Variants in MEGF10 observed in about 807,000 individuals in gnomAD.
MEGF10 encodes multiple epidermal growth factor-like domains protein 10.
MEGF10 carries 86 observed loss-of-function variants against 147.5 expected under a neutral mutation model. The ratio of observed to expected loss-of-function variants is 0.58; its 90% CI spans 0.49 to 0.70. The LOEUF is 0.70. MEGF10 is among the 30% of genes least tolerant of loss of function. MEGF10 has a pLI of 0.00. For missense variants in MEGF10, 1,329 were observed against 1,487.3 expected (o/e 0.89, Z 1.75); for synonymous variants, 478 against 525.5 (o/e 0.91, Z 1.24).
the MEGF10 span, among the ~76,000 whole-genome samples, chr5:127,255,263 A>G: frequency 6.6e-6 from 1 of 152,196 alleles, no homozygotes; most frequent in East Asian, 1.9e-4. Context: ...TATAGGGGCA[A>G]TTGAGGAAGT....
rs185480820 is a variant in MEGF10 at position 127,455,393 on chromosome 5, C to T, written c.3026-8C>T. 1.2e-3 allele frequency: 1,930 copies of T among 1,611,820 alleles called. 12 individuals are homozygous for T. The Middle Eastern group carries it at 0.014, about 11-fold the overall frequency. On this transcript the variant is annotated splice_region_variant and splice_polypyrimidine_tract_variant and intron_variant, in intron 23 of 24. Transcript: ENST00000503335. The stretch of plus-strand genomic sequence containing the variant: ...GCATTAGCTTTCTCTTCTCATTTCT[C>T]TTCACAGACCTGGGAAAGAATTCTG...
chr5:127,316,289 G>T (rs189512476), intron 1 of MEGF10, among the ~76,000 whole-genome samples: 7,240 of 152,166 alleles, frequency 0.048, 244 homozygotes, highest in African/African-American at 0.081. Context: ...TACCATGCCT[G>T]CAAGAATCAT....
intron 13 of MEGF10, among the ~76,000 whole-genome samples, chr5:127,426,454 T>C (rs747362048): frequency 2.0e-5 from 3 of 152,200 alleles, no homozygotes; most frequent in Non-Finnish European, 4.4e-5. Context: ...TTTTAGCCAA[T>C]ACACTATTTT....
the MEGF10 span, among the ~76,000 whole-genome samples, chr5:127,243,330 T>C: frequency 6.6e-6 from 1 of 152,186 alleles, no homozygotes; most frequent in Non-Finnish European, 1.5e-5. Context: ...TCAGGACTAT[T>C]AAAGATGGTT....
At position 127,459,501 on chromosome 5, in the gene MEGF10, T is replaced by A. The variant is rs1766487797; in HGVS notation, c.*2183T>A. On this transcript the variant is annotated 3_prime_UTR_variant, in exon 25 of 25. Transcript: ENST00000503335. ...TAAGACATTTTCTCCCTTTTAAAGATCATCTCTTCAGAGCTGCATGGTAAA... is the reference window on the plus strand; with the variant it reads ...TAAGACATTTTCTCCCTTTTAAAGAACATCTCTTCAGAGCTGCATGGTAAA... 1 of 152,220 alleles carries A rather than the reference T, an allele frequency of 6.6e-6. No individual in the cohort carries two copies. Among genetic ancestry groups the A allele is most frequent in the Non-Finnish European group, 1.5e-5 (1 of 68,036 alleles). 9.4% of individuals were successfully genotyped at this position (152,220 alleles called of 1,614,324 possible).
At chr5:127,441,801 C>T (rs1301943917) in intron 18 of MEGF10, among the ~76,000 whole-genome samples, 1 of 152,096 alleles carries the variant, frequency 6.6e-6, no homozygotes, top group Non-Finnish European at 1.5e-5. Context: ...CAATAAAGCA[C>T]CCCTCCCCAC....
At chr5:127,232,509 A>C in the MEGF10 span, among the ~76,000 whole-genome samples, 1 of 152,198 alleles carries the variant, frequency 6.6e-6, no homozygotes, top group African/African-American at 2.4e-5. Flanking sequence ...GGTCAATGGC[A>C]TATGGTGTTA....
At chr5:127,440,717 A>C (rs1554101791) in intron 17 of MEGF10, 22 bp from the exon 18 acceptor site, 15 of 1,612,492 alleles carry the variant, frequency 9.3e-6, no homozygotes, top group Admixed American at 3.3e-5. Flanking sequence ...CTTGACTCCT[A>C]CTGTCCTCCC....
At chr5:127,272,389 G>C in the MEGF10 span, among the ~76,000 whole-genome samples, 2 of 152,166 alleles carry the variant, frequency 1.3e-5, no homozygotes, top group Middle Eastern at 3.4e-3. Context: ...CATTTTGCTT[G>C]CAATTTCCTT....
intron 14 of MEGF10, among the ~76,000 whole-genome samples, chr5:127,433,770 A>T (rs1389668566): frequency 6.6e-6 from 1 of 152,234 alleles, no homozygotes; most frequent in Non-Finnish European, 1.5e-5. Flanking sequence ...TGGCACAACC[A>T]TCAGGATATA....
chr5:127,435,561 A>G, intron 16 of MEGF10, 72 bp downstream of exon 16: 2 of 1,417,818 alleles, frequency 1.4e-6, no homozygotes, highest in South Asian at 2.8e-5. Context: ...GGATTGAAGT[A>G]TGAGTGTTTT....
At chr5:127,273,033 C>T in the MEGF10 span, among the ~76,000 whole-genome samples, 7 of 152,194 alleles carry the variant, frequency 4.6e-5, no homozygotes, top group Non-Finnish European at 8.8e-5. Context: ...GGGGTATGTA[C>T]AGACCTCCCT....
intron 1 of MEGF10, among the ~76,000 whole-genome samples, chr5:127,306,781 A>G (rs1269715277): frequency 1.3e-5 from 2 of 152,218 alleles, no homozygotes; most frequent in African/African-American, 4.8e-5. Flanking sequence ...AAGGAGAGAC[A>G]TGCTTTTAGG....
intron 1 of MEGF10, among the ~76,000 whole-genome samples, chr5:127,313,211 G>T (rs2254278): frequency 1.3e-5 from 2 of 152,132 alleles, no homozygotes; most frequent in Non-Finnish European, 2.9e-5. Context: ...ATGGGATCGT[G>T]TAGATTTGGA....
At chr5:127,343,172 C>T (rs532209868) in intron 4 of MEGF10, among the ~76,000 whole-genome samples, 1 of 152,236 alleles carries the variant, frequency 6.6e-6, no homozygotes, top group East Asian at 1.9e-4. Context: ...AACATGGTCA[C>T]CTTTCTTAAC....
the MEGF10 span, among the ~76,000 whole-genome samples, chr5:127,273,278 T>G: frequency 6.6e-6 from 1 of 152,244 alleles, no homozygotes; most frequent in Non-Finnish European, 1.5e-5. Context: ...ACTGCTTCCC[T>G]TGGCCAGGGG....
the MEGF10 span, among the ~76,000 whole-genome samples, chr5:127,282,708 G>T: frequency 6.6e-6 from 1 of 152,156 alleles, no homozygotes; most frequent in Middle Eastern, 3.4e-3. Flanking sequence ...TTCTTTTTGG[G>T]ACAACATCCC....
Position 127,433,527 on chromosome 5 carries a change from C to A in MEGF10, c.1840+18C>A. 1.3e-6 allele frequency: 2 copies of A among 1,574,274 alleles called. No homozygotes were observed. Among genetic ancestry groups the A allele is most frequent in the South Asian group, 1.2e-5 (1 of 84,178 alleles). On this transcript the variant is annotated intron_variant, in intron 14 of 24. Coordinates refer to ENST00000503335, the MANE Select transcript of MEGF10 (RefSeq NM_001256545.2). ...TCAGAGGAGTAAGTGTCTCATTAGG[C>A]AGTAATTTCCACCTTCCCTTCCCTG...
chr5:127,233,244 T>C, the MEGF10 span, among the ~76,000 whole-genome samples: 6 of 152,202 alleles, frequency 3.9e-5, no homozygotes, highest in Admixed American at 3.3e-4. Context: ...AGAATCCTTG[T>C]CTTCTTCCCC....
Sources: allele counts gnomAD v4.1 joint callset (sites outside exome capture counted in the v4.1 genomes callset), GRCh38; gene constraint gnomAD v4.1.1; transcripts MANE v1.5; gene names NCBI Gene and HGNC (gene_info 2026-07-23, HGNC 2026-07-21).